The following PPP2R2B variants were observed in gnomAD, a reference collection of about 807,000 sequenced individuals.
The protein encoded by PPP2R2B is serine/threonine-protein phosphatase 2A 55 kDa regulatory subunit B beta isoform.
Under a neutral mutation model 46.0 loss-of-function variants are expected in PPP2R2B, and 5 were observed. The observed-to-expected ratio is 0.11, with a 90% confidence interval of 0.06 to 0.23. The LOEUF (loss-of-function observed/expected upper bound fraction) is 0.23. Ranked by LOEUF, PPP2R2B falls within the 10% of genes least tolerant of loss-of-function variation. The pLI is 1.00. For synonymous variants in PPP2R2B, 215 were observed against 206.7 expected (o/e 1.04, Z -0.34); for missense variants, 367 against 575.0 (o/e 0.64, Z 3.70).
chr5:146,952,057 A>C (rs1469259899), intron 1 of PPP2R2B, among the ~76,000 whole-genome samples: 1 of 151,392 alleles, frequency 6.6e-6, no homozygotes, highest in Admixed American at 6.6e-5. Context: ...GGAAATTTAT[A>C]ATCTTTGGCA....
chr5:147,037,593 TGA>T (rs1178656304), intron 1 of PPP2R2B, among the ~76,000 whole-genome samples: 1 of 152,070 alleles, frequency 6.6e-6, no homozygotes, highest in African/African-American at 2.4e-5. Flanking sequence ...AAGTATGTGT[TGA>T]GTGAGCAAGA....
At chr5:146,807,776 C>CTTTTTTTTTTTTTTTTTTTTTTTTTTTT (rs10583721) in intron 2 of PPP2R2B, among the ~76,000 whole-genome samples, 1 of 36,930 alleles carries the variant, frequency 2.7e-5, no homozygotes, top group Non-Finnish European at 5.5e-5. Context: ...GGGGTGCCTT[C>CTTTTTTTTTTTTTTTTTTTTTTTTTTTT]TTTTTTTTTT....
At chr5:146,826,790 G>C (rs1221238008) in intron 2 of PPP2R2B, among the ~76,000 whole-genome samples, 1 of 152,052 alleles carries the variant, frequency 6.6e-6, no homozygotes, top group Non-Finnish European at 1.5e-5. Flanking sequence ...AACATTCACA[G>C]ATGGCTCCAA....
At chr5:146,841,053 C>A (rs556974031) in intron 2 of PPP2R2B, among the ~76,000 whole-genome samples, 8 of 152,086 alleles carry the variant, frequency 5.3e-5, no homozygotes, top group Admixed American at 4.6e-4. Flanking sequence ...GGAGAGGTAA[C>A]AAAGTCAAGG....
At chr5:146,915,013 T>G (rs2151809285) in intron 1 of PPP2R2B, among the ~76,000 whole-genome samples, 1 of 152,346 alleles carries the variant, frequency 6.6e-6, no homozygotes, top group South Asian at 2.1e-4. Context: ...ATGTTGTTTT[T>G]TCTCTTTTCT....
intron 2 of PPP2R2B, among the ~76,000 whole-genome samples, chr5:146,767,761 T>C (rs1754578235): frequency 6.6e-6 from 1 of 152,106 alleles, no homozygotes; most frequent in African/African-American, 2.4e-5. Context: ...AGTCCATAGT[T>C]TACATTAGGG....
At chr5:146,650,122 T>C (rs182972382) in intron 6 of PPP2R2B, among the ~76,000 whole-genome samples, 1 of 152,312 alleles carries the variant, frequency 6.6e-6, no homozygotes, top group Admixed American at 6.5e-5. Context: ...TGGAACTCAA[T>C]AAATGTCAGT....
intron 2 of PPP2R2B, among the ~76,000 whole-genome samples, chr5:146,715,476 C>T (rs1780444749): frequency 6.6e-6 from 1 of 152,076 alleles, no homozygotes; most frequent in Non-Finnish European, 1.5e-5. Context: ...GCGTTCGACC[C>T]TCTATATACA....
At chr5:147,079,164 C>A (rs1293203656) in intron 2 of PPP2R2B, among the ~76,000 whole-genome samples, 2 of 151,606 alleles carry the variant, frequency 1.3e-5, no homozygotes, top group African/African-American at 2.4e-5. Flanking sequence ...CAATTCATCT[C>A]AAAAATAGAT....
intron 2 of PPP2R2B, among the ~76,000 whole-genome samples, chr5:147,072,150 C>T (rs1167691906): frequency 2.0e-5 from 3 of 152,156 alleles, no homozygotes; most frequent in East Asian, 3.8e-4. Flanking sequence ...GCCTTAATCT[C>T]CTCATATCTA....
chr5:146,914,927 C>T (rs762083531), intron 1 of PPP2R2B, among the ~76,000 whole-genome samples: 3 of 152,186 alleles, frequency 2.0e-5, no homozygotes, highest in Non-Finnish European at 4.4e-5. Context: ...TTCGAATCGA[C>T]AGTGGCTTCC....
chr5:146,854,949 C>T (rs566200139), intron 2 of PPP2R2B, among the ~76,000 whole-genome samples: 5 of 152,230 alleles, frequency 3.3e-5, no homozygotes, highest in South Asian at 2.1e-4. Context: ...TGACACAAGT[C>T]GTAAAATTTG....
chr5:146,644,349 C>G (rs968622125), intron 6 of PPP2R2B, among the ~76,000 whole-genome samples: 1 of 151,082 alleles, frequency 6.6e-6, no homozygotes, highest in Non-Finnish European at 1.5e-5. Flanking sequence ...CCCCCTGAAC[C>G]CACATTGTTG....
chr5:146,939,679 G>A (rs1199446652), intron 1 of PPP2R2B, among the ~76,000 whole-genome samples: 1 of 152,144 alleles, frequency 6.6e-6, no homozygotes, highest in African/African-American at 2.4e-5. Context: ...GTCAAACATA[G>A]TATTCCTGCT....
intron 5 of PPP2R2B, among the ~76,000 whole-genome samples, chr5:146,662,485 C>A (rs1163155946): frequency 6.6e-6 from 1 of 152,122 alleles, no homozygotes; most frequent in Admixed American, 6.6e-5. Context: ...TGATGCCTGC[C>A]TCCCCGGGGT....
At chr5:146,590,819 C>T (rs1177748916) in intron 9 of PPP2R2B, among the ~76,000 whole-genome samples, 3 of 151,986 alleles carry the variant, frequency 2.0e-5, no homozygotes, top group South Asian at 2.1e-4. Flanking sequence ...AACTTATCTA[C>T]GAAATGGATG....
intron 2 of PPP2R2B, among the ~76,000 whole-genome samples, chr5:146,834,497 C>T (rs1759154523): frequency 6.6e-6 from 1 of 152,242 alleles, no homozygotes; most frequent in Non-Finnish European, 1.5e-5. Flanking sequence ...ACTCATCTAG[C>T]ACCTTTGTCA....
intron 2 of PPP2R2B, among the ~76,000 whole-genome samples, chr5:146,778,543 T>C (rs974307654): frequency 1.3e-5 from 2 of 152,316 alleles, no homozygotes; most frequent in Admixed American, 1.3e-4. Context: ...TCCTAGGGAC[T>C]GTGTCTTATT....
In PPP2R2B at chr5:146,812,866, G is replaced by A. The variant is rs187265133; in HGVS notation, c.70+65136C>T. Among the ~76,000 whole-genome samples, 10 of 117,382 alleles carry A rather than the reference G, an allele frequency of 8.5e-5. No homozygotes were observed. The East Asian group carries it at 2.1e-3, about 24-fold the overall frequency. 77.0% of individuals were successfully genotyped at this position (117,382 alleles called of 152,430 possible). A position where few individuals can be genotyped will look rare whatever the true frequency, so the allele number is the denominator to read the frequency against. ...CCATTATAAAACCATCAGATTGTGTGAGACTTACTCACTACCATGAGAACA... is the reference window on the plus strand; with the variant it reads ...CCATTATAAAACCATCAGATTGTGTAAGACTTACTCACTACCATGAGAACA... On this transcript the variant is annotated intron_variant, in intron 2 of 9. Coordinates refer to ENST00000394411, the MANE Select transcript of PPP2R2B (RefSeq NM_181675.4).
Sources: allele counts gnomAD v4.1 joint callset (sites outside exome capture counted in the v4.1 genomes callset), GRCh38; gene constraint gnomAD v4.1.1; transcripts MANE v1.5; gene names NCBI Gene and HGNC (gene_info 2026-07-23, HGNC 2026-07-21).